ZP3: variants seen among roughly 807,000 people sequenced by gnomAD.
The protein encoded by ZP3 is zona pellucida glycoprotein 3, also known as zona pellucida sperm-binding protein 3.
ZP3 carries 21 observed loss-of-function variants against 35.6 expected under a neutral mutation model. The ratio of observed to expected loss-of-function variants is 0.59; its 90% CI spans 0.42 to 0.85. The LOEUF (loss-of-function observed/expected upper bound fraction) is 0.85, where lower values mean the gene tolerates loss of function less well. Among genes scored for constraint, ZP3 ranks in the 40% least tolerant of loss-of-function variants. The pLI is 0.00. For missense variants in ZP3, 437 were observed against 536.5 expected, an observed-to-expected ratio of 0.81 and a Z score of 1.83; for synonymous variants, 207 against 214.5, an observed-to-expected ratio of 0.96 and a Z score of 0.31.
Position 76,427,449 on chromosome 7 carries a change from T to C in ZP3, c.313-2066T>C, listed in dbSNP as rs933147326. Among the ~76,000 whole-genome samples the C allele has an allele frequency of 5.6e-5, 8 of 144,026 alleles. No homozygotes were observed. The East Asian group carries it at 1.5e-3, about 26-fold the overall frequency. 94.5% of individuals were successfully genotyped at this position (144,026 alleles called of 152,430 possible). On this transcript the variant is annotated intron_variant, in intron 1 of 7. Coordinates refer to ENST00000394857, the MANE Select transcript of ZP3 (RefSeq NM_001110354.2). ...GAGAATTGCTTGAACCCGGGAGGCG[T>C]AGGTTGCAGTGAGTTGAGATCGTGC...
intron 7 of ZP3, 94 bp downstream of exon 7, chr7:76,440,705 C>G: frequency 2.0e-6 from 3 of 1,530,604 alleles, no homozygotes; most frequent in Admixed American, 2.1e-5. Flanking sequence ...TTCCCTTGTC[C>G]TCCATTAAAA....
At chr7:76,402,539 G>C (rs546041501) in intron 1 of ZP3, among the ~76,000 whole-genome samples, 86 of 151,724 alleles carry the variant, frequency 5.7e-4, no homozygotes, top group Middle Eastern at 3.4e-3. Flanking sequence ...GGCTGGTCTC[G>C]AACTCTTGGC....
At chr7:76,423,986 T>C (rs547399682), upstream of ZP3, among the ~76,000 whole-genome samples, 5 of 152,168 alleles carry the variant, frequency 3.3e-5, no homozygotes, top group Admixed American at 6.6e-5. Context: ...CCACCTCTCT[T>C]CACACAGCTG....
chr7:76,405,308 TATATATATGTA>T (rs1563686932), intron 1 of ZP3, among the ~76,000 whole-genome samples: 1 of 64,422 alleles, frequency 1.6e-5, no homozygotes, highest in Non-Finnish European at 2.9e-5. Context: ...TATATATATA[TATATATATGTA>T]TTTTTTTCTT....
At chr7:76,429,739 C>T in intron 2 of ZP3, 106 bp downstream of exon 2, 1 of 935,772 alleles carries the variant, frequency 1.1e-6, no homozygotes, top group Non-Finnish European at 1.7e-6. Flanking sequence ...GCTATTAGAA[C>T]TACCTACCGA....
intron 1 of ZP3, among the ~76,000 whole-genome samples, chr7:76,411,518 A>G (rs1805242984): frequency 6.6e-6 from 1 of 151,670 alleles, no homozygotes; most frequent in South Asian, 2.1e-4. Context: ...GCAGTGAGCT[A>G]TGATTGTGCC....
intron 1 of ZP3, among the ~76,000 whole-genome samples, chr7:76,426,354 G>A (rs1201293803): frequency 6.6e-6 from 1 of 152,206 alleles, no homozygotes; most frequent in African/African-American, 2.4e-5. Context: ...CCTGGACCAA[G>A]TTCCTGTGGT....
chr7:76,400,474 C>T (rs1414209134), intron 1 of ZP3: 4 of 1,608,096 alleles, frequency 2.5e-6, no homozygotes, highest in Non-Finnish European at 3.4e-6. Context: ...CAGCTGGCGA[C>T]ACACTACGTT....
At chr7:76,438,972 AAAT>A (rs1234659960) in intron 5 of ZP3, among the ~76,000 whole-genome samples, 1 of 113,722 alleles carries the variant, frequency 8.8e-6, no homozygotes, top group Non-Finnish European at 1.8e-5. Flanking sequence ...TCTCTACTAA[AAAT>A]ACAAAAAAAT....
chr7:76,401,677 A>G (rs924105701), intron 1 of ZP3, among the ~76,000 whole-genome samples: 1 of 152,170 alleles, frequency 6.6e-6, no homozygotes, highest in African/African-American at 2.4e-5. Context: ...TTGGCCTGCT[A>G]AAGTGCTGGG....
At chr7:76,432,374 T>TG (rs929465606) in intron 2 of ZP3, among the ~76,000 whole-genome samples, 2 of 152,012 alleles carry the variant, frequency 1.3e-5, no homozygotes, top group African/African-American at 4.8e-5. Flanking sequence ...TTAGTGGAGA[T>TG]GGGGTTTCAC....
intron 5 of ZP3, among the ~76,000 whole-genome samples, chr7:76,439,243 C>CTGGCAA (rs1806121848): frequency 1.3e-5 from 2 of 151,196 alleles, no homozygotes; most frequent in South Asian, 4.1e-4. Flanking sequence ...ACAACTTGGT[C>CTGGCAA]TTGCCTTAGC....
Position 76,433,610 on chromosome 7 carries a change from A to AT in ZP3, c.676_677insT (p.Asn226IlefsTer21). 1 of 1,613,558 alleles carries AT rather than the reference A, an allele frequency of 6.2e-7. No individual in the cohort carries two copies. Among genetic ancestry groups the AT allele is most frequent in the Non-Finnish European group, 8.5e-7 (1 of 1,179,650 alleles). ...CGTGGCCACACCGACACCAGACCAG[A>AT]ATGCCTCCCCTTATCACACCATCGT... On this transcript the variant is annotated frameshift_variant, in exon 4 of 8. Coordinates refer to ENST00000394857, the MANE Select transcript of ZP3 (RefSeq NM_001110354.2). LOFTEE classifies it high-confidence loss of function.
intron 1 of ZP3, among the ~76,000 whole-genome samples, chr7:76,408,154 T>TG (rs1805102312): frequency 6.6e-6 from 1 of 152,022 alleles, no homozygotes; most frequent in Non-Finnish European, 1.5e-5. Context: ...CATGGGTGCT[T>TG]GTCCCAGAAG....
chr7:76,436,976 C>G (rs1485279597), intron 5 of ZP3, among the ~76,000 whole-genome samples: 2 of 151,564 alleles, frequency 1.3e-5, no homozygotes, highest in Non-Finnish European at 2.9e-5. Flanking sequence ...ATTGATGATG[C>G]CTCAGTAGAC....
intron 1 of ZP3, chr7:76,397,850 G>T (rs547068243): frequency 1.3e-6 from 2 of 1,517,632 alleles, no homozygotes; most frequent in African/African-American, 1.4e-5. Context: ...TGGGGGCGGG[G>T]GTCAGGGCGC....
Position 76,424,990 on chromosome 7 carries a change from T to G in ZP3, c.26T>G (p.Ile9Ser), listed in dbSNP as rs1223699926. The change falls in exon 1 of 8, where the codon ATC (isoleucine) becomes AGC (serine). Residue 9 changes from isoleucine (I) to serine (S), a missense_variant. Physicochemically the swap from Ile to Ser is moderately radical, Grantham distance 142. Around this residue, in one of 6 missense-constraint regions of ZP3, gnomAD observed 352 missense variants for 308.4 expected, o/e 1.14. Coordinates refer to ENST00000394857, the MANE Select transcript of ZP3 (RefSeq NM_001110354.2). The stretch of plus-strand genomic sequence containing the variant: ...ATGGAGCTGAGCTATAGGCTCTTCA[T>G]CTGCCTCCTGCTCTGGGGTAGTACT... Reference protein sequence around the residue: MELSYRLFICLLLWGSTEL... With the variant: MELSYRLFSCLLLWGSTEL... The G allele has an allele frequency of 4.5e-6, 7 of 1,550,744 alleles. No individual in the cohort carries two copies. In the South Asian group the frequency reaches 7.1e-5, roughly 16 times the overall value.
At chr7:76,406,630 T>G (rs6944415) in intron 1 of ZP3, among the ~76,000 whole-genome samples, 3 of 151,674 alleles carry the variant, frequency 2.0e-5, no homozygotes, top group African/African-American at 7.3e-5. Flanking sequence ...ACTGCAGGCT[T>G]GCACCACCAC....
At chr7:76,426,868 C>A (rs543956517) in intron 1 of ZP3, among the ~76,000 whole-genome samples, 3 of 42,612 alleles carry the variant, frequency 7.0e-5, no homozygotes, top group East Asian at 6.6e-4. Context: ...CCTTCTCTAC[C>A]AAACACCACA....
Sources: allele counts gnomAD v4.1 joint callset (sites outside exome capture counted in the v4.1 genomes callset), GRCh38; gene constraint gnomAD v4.1.1; regional missense constraint gnomAD v4.1.1; transcripts MANE v1.5; gene names NCBI Gene and HGNC (gene_info 2026-07-23, HGNC 2026-07-21).